The following EPC2 variants were observed in gnomAD, a reference collection of about 807,000 sequenced individuals.
EPC2 encodes the protein enhancer of polycomb 2.
Under a neutral mutation model 92.1 loss-of-function variants are expected in EPC2, and 14 were observed. The ratio of observed to expected loss-of-function variants is 0.15; its 90% CI spans 0.10 to 0.24. The LOEUF (loss-of-function observed/expected upper bound fraction) is 0.24. EPC2 is among the 10% of genes least tolerant of loss of function. The pLI, the probability that EPC2 is intolerant of heterozygous loss-of-function variation, is 1.00. For synonymous variants in EPC2, 340 were observed against 334.7 expected, an observed-to-expected ratio of 1.02 and a Z score of -0.17; for missense variants, 755 against 971.5, an observed-to-expected ratio of 0.78 and a Z score of 2.96.
rs1466700198 is a variant in EPC2 at position 148,672,823 on chromosome 2, A to G, written c.154-17391A>G. On this transcript the variant is annotated intron_variant, in intron 1 of 13. Transcript: ENST00000258484. ...TTTGCGTGGTTTCTTGTTGTTGTCTAGCATCCTTTTGTTTCAACTTGAAGG... is the reference window on the plus strand; with the variant it reads ...TTTGCGTGGTTTCTTGTTGTTGTCTGGCATCCTTTTGTTTCAACTTGAAGG... Among the ~76,000 whole-genome samples, 3 of 152,122 alleles carry G rather than the reference A, an allele frequency of 2.0e-5. No individual in the cohort carries two copies. The East Asian group carries it at 5.8e-4, about 29-fold the overall frequency.
chr2:148,735,043 A>G (rs958409914), intron 2 of EPC2, among the ~76,000 whole-genome samples: 3 of 152,016 alleles, frequency 2.0e-5, no homozygotes, highest in East Asian at 1.9e-4. Flanking sequence ...TTGTACAAAT[A>G]TATCTCAGTT....
At chr2:148,755,551 T>C (rs1574624704) in intron 4 of EPC2, among the ~76,000 whole-genome samples, 1 of 152,162 alleles carries the variant, frequency 6.6e-6, no homozygotes, top group East Asian at 1.9e-4. Context: ...TACTGTACTT[T>C]TACTGTACCT....
At chr2:148,651,126 G>T (rs1157185212) in intron 1 of EPC2, among the ~76,000 whole-genome samples, 1 of 152,176 alleles carries the variant, frequency 6.6e-6, no homozygotes, top group African/African-American at 2.4e-5. Flanking sequence ...AAGGCTTCTT[G>T]GAGAGAGGCG....
At chr2:148,741,961 A>G (rs964363275) in intron 2 of EPC2, among the ~76,000 whole-genome samples, 3 of 152,162 alleles carry the variant, frequency 2.0e-5, no homozygotes, top group Non-Finnish European at 4.4e-5. Context: ...GTCCTTTTTA[A>G]AACACATATA....
intron 1 of EPC2, among the ~76,000 whole-genome samples, chr2:148,687,123 C>G (rs560351819): frequency 1.3e-5 from 2 of 152,206 alleles, no homozygotes; most frequent in Admixed American, 1.3e-4. Context: ...TGATGTTTCT[C>G]CATCAGCACT....
chr2:148,662,758 A>G (rs1243154202), intron 1 of EPC2, among the ~76,000 whole-genome samples: 2 of 152,114 alleles, frequency 1.3e-5, no homozygotes, highest in Non-Finnish European at 2.9e-5. Flanking sequence ...CATGGCACGT[A>G]CATACATACG....
chr2:148,677,095 A>G (rs1681282507), intron 1 of EPC2, among the ~76,000 whole-genome samples: 1 of 152,240 alleles, frequency 6.6e-6, no homozygotes, highest in Admixed American at 6.5e-5. Flanking sequence ...ACCTACTTCC[A>G]GGATTCTACA....
At chr2:148,652,177 T>C (rs1195548402) in intron 1 of EPC2, among the ~76,000 whole-genome samples, 1 of 152,180 alleles carries the variant, frequency 6.6e-6, no homozygotes, top group Non-Finnish European at 1.5e-5. Flanking sequence ...AGTATACCTA[T>C]GTTGAGAAGT....
Position 148,762,734 on chromosome 2 carries a change from G to C in EPC2, c.880G>C (p.Glu294Gln), listed in dbSNP as rs776254754. Reference sequence around the variant, plus strand: ...AGTAAAAATCAGTAGATCAGAAAAAGAGTTATATGCCACTCCAGCAACTCT... The same window carrying C: ...AGTAAAAATCAGTAGATCAGAAAAACAGTTATATGCCACTCCAGCAACTCT... Reference protein sequence around the residue: ...NEVKISRSEKELYATPATLHN... With the variant: ...NEVKISRSEKQLYATPATLHN... Residue 294 changes from glutamate (E) to glutamine (Q), a missense_variant, in exon 6 of 14, where the codon GAG (glutamate) becomes CAG (glutamine). By Grantham distance (29) the Glu-to-Gln change is conservative. Around this residue, in one of 4 missense-constraint regions of EPC2, gnomAD observed 509 missense variants for 607.7 expected, o/e 0.84. Coordinates refer to ENST00000258484, the MANE Select transcript of EPC2 (RefSeq NM_015630.4). 2 of 1,611,258 alleles carry C rather than the reference G, an allele frequency of 1.2e-6. No homozygotes were observed. Among genetic ancestry groups the C allele is most frequent in the Admixed American group, 1.7e-5 (1 of 59,616 alleles).
chr2:148,768,677 T>C (rs943950287), intron 7 of EPC2, among the ~76,000 whole-genome samples: 2 of 152,196 alleles, frequency 1.3e-5, no homozygotes, highest in African/African-American at 4.8e-5. Context: ...TTATGGCCTT[T>C]GGGGTTTTTT....
intron 2 of EPC2, among the ~76,000 whole-genome samples, chr2:148,694,162 T>A (rs751209749): frequency 6.6e-6 from 1 of 152,218 alleles, no homozygotes; most frequent in Non-Finnish European, 1.5e-5. Flanking sequence ...GAATCAAATA[T>A]AAGGCTAAAA....
At chr2:148,673,861 C>T (rs970691087) in intron 1 of EPC2, among the ~76,000 whole-genome samples, 3 of 152,336 alleles carry the variant, frequency 2.0e-5, no homozygotes, top group Non-Finnish European at 2.9e-5. Context: ...GCTGGGATTA[C>T]AGGCGTGAGC....
intron 7 of EPC2, among the ~76,000 whole-genome samples, chr2:148,766,483 T>G (rs1683412051): frequency 6.6e-6 from 1 of 152,250 alleles, no homozygotes; most frequent in South Asian, 2.1e-4. Context: ...ATATTACTTT[T>G]GTCAGAGGAT....
At chr2:148,729,370 G>T (rs998268115) in intron 2 of EPC2, among the ~76,000 whole-genome samples, 2 of 152,046 alleles carry the variant, frequency 1.3e-5, no homozygotes, top group Non-Finnish European at 2.9e-5. Context: ...TGAAGAGTTG[G>T]CAAAGGTAGT....
intron 3 of EPC2, among the ~76,000 whole-genome samples, chr2:148,744,018 T>C (rs1446018817): frequency 6.6e-6 from 1 of 152,154 alleles, no homozygotes; most frequent in Non-Finnish European, 1.5e-5. Context: ...TAATATTTTA[T>C]TGATCCTTTC....
At chr2:148,739,038 A>G (rs1400453574) in intron 2 of EPC2, among the ~76,000 whole-genome samples, 1 of 152,210 alleles carries the variant, frequency 6.6e-6, no homozygotes, top group Non-Finnish European at 1.5e-5. Flanking sequence ...ACTGGAGAAC[A>G]TGTACCCAGA....
At chr2:148,756,143 T>C (rs770474729) in intron 4 of EPC2, among the ~76,000 whole-genome samples, 42 of 152,366 alleles carry the variant, frequency 2.8e-4, no homozygotes, top group Middle Eastern at 6.8e-3. Flanking sequence ...TGTTTAGGCA[T>C]TTCTTCATTT....
rs1317880011 is a variant in EPC2 at position 148,786,611 on chromosome 2, A to G, written c.*234A>G. On this transcript the variant is annotated 3_prime_UTR_variant, in exon 14 of 14. Transcript: ENST00000258484. ...ATTATTTCTGTTACTTGAATAGTAGATATTCATCATCATGCTTTTGCACTT... is the reference window on the plus strand; with the variant it reads ...ATTATTTCTGTTACTTGAATAGTAGGTATTCATCATCATGCTTTTGCACTT... The G allele has an allele frequency of 2.8e-6, 1 of 356,462 alleles. No homozygotes were observed. The highest frequency in any genetic ancestry group is 5.1e-6 in the Non-Finnish European group (1 of 196,102). The allele number at this position is 356,462 out of a possible 1,614,324, so 22.1% of individuals were successfully genotyped here.
At chr2:148,718,287 C>T (rs906418308) in intron 2 of EPC2, among the ~76,000 whole-genome samples, 1 of 151,608 alleles carries the variant, frequency 6.6e-6, no homozygotes, top group African/African-American at 2.4e-5. Flanking sequence ...TCTCATCATG[C>T]TAGCTGGTTA....
Sources: allele counts gnomAD v4.1 joint callset (sites outside exome capture counted in the v4.1 genomes callset), GRCh38; gene constraint gnomAD v4.1.1; regional missense constraint gnomAD v4.1.1; transcripts MANE v1.5; gene names NCBI Gene and HGNC (gene_info 2026-07-23, HGNC 2026-07-21).